Variants in GALNT13 observed in about 807,000 individuals in gnomAD.
The protein encoded by GALNT13 is UDP-GalNAc:polypeptide N-acetylgalactosaminyltransferase 13.
In GALNT13, 28 loss-of-function variants were observed where a neutral mutation model predicts 64.2. The ratio of observed to expected loss-of-function variants is 0.44; its 90% CI spans 0.32 to 0.60. GALNT13 has a LOEUF of 0.60. Among genes scored for constraint, GALNT13 ranks in the 20% least tolerant of loss-of-function variants. GALNT13 has a pLI of 0.05. For synonymous variants in GALNT13, 214 were observed against 224.6 expected (o/e 0.95, Z 0.42); for missense variants, 577 against 669.8 (o/e 0.86, Z 1.53).
At chr2:154,104,306 GC>G (rs1178202687) in intron 3 of GALNT13, among the ~76,000 whole-genome samples, 6 of 152,276 alleles carry the variant, frequency 3.9e-5, no homozygotes, top group African/African-American at 1.4e-4. Context: ...TAGATTTGCA[GC>G]TGGTCTGCCC....
chr2:153,295,099 A>C, the GALNT13 span, among the ~76,000 whole-genome samples: 17 of 152,156 alleles, frequency 1.1e-4, no homozygotes, highest in Admixed American at 1.1e-3. Context: ...GTGGTGTTCC[A>C]GGACTCCCTC....
At chr2:153,322,399 T>C in the GALNT13 span, among the ~76,000 whole-genome samples, 1 of 152,164 alleles carries the variant, frequency 6.6e-6, no homozygotes, top group Admixed American at 6.6e-5. Context: ...ATGTTTTCTT[T>C]ATCCATTCCA....
intron 2 of GALNT13, among the ~76,000 whole-genome samples, chr2:153,943,022 T>A (rs1421722390): frequency 6.6e-6 from 1 of 152,200 alleles, no homozygotes; most frequent in Non-Finnish European, 1.5e-5. Flanking sequence ...TTCACATCAA[T>A]AAGCTTACAT....
the GALNT13 span, among the ~76,000 whole-genome samples, chr2:153,098,834 CA>C: frequency 6.6e-6 from 1 of 152,208 alleles, no homozygotes. Flanking sequence ...TTAGCTTGAC[CA>C]GATAAAATAA....
chr2:154,399,673 T>C (rs544738510), intron 10 of GALNT13, among the ~76,000 whole-genome samples: 28 of 152,212 alleles, frequency 1.8e-4, no homozygotes, highest in Non-Finnish European at 3.8e-4. Context: ...TTAATACCAC[T>C]ACAATGGGGA....
chr2:154,072,973 A>G (rs1005639497), intron 3 of GALNT13, among the ~76,000 whole-genome samples: 1 of 152,032 alleles, frequency 6.6e-6, no homozygotes, highest in Non-Finnish European at 1.5e-5. Context: ...ATTGTGATGT[A>G]TCCCTTAAAC....
At chr2:153,478,037 G>C in the GALNT13 span, 1 of 590,370 alleles carries the variant, frequency 1.7e-6, no homozygotes. Context: ...CAGAGTCTGG[G>C]CGCTCTCCTC....
intron 4 of GALNT13, among the ~76,000 whole-genome samples, chr2:154,166,088 G>T: frequency 6.6e-6 from 1 of 152,106 alleles, no homozygotes. Context: ...AACTTGTCTA[G>T]AGGAACTCAA....
the GALNT13 span, among the ~76,000 whole-genome samples, chr2:153,721,450 C>G: frequency 2.0e-5 from 3 of 148,760 alleles, no homozygotes; most frequent in East Asian, 5.9e-4. Flanking sequence ...GGATCAAATT[C>G]ACACATAACA....
chr2:153,239,159 A>G, the GALNT13 span, among the ~76,000 whole-genome samples: 2 of 152,248 alleles, frequency 1.3e-5, no homozygotes, highest in East Asian at 3.9e-4. Context: ...GCATATAGAA[A>G]TGCTACAGAT....
At chr2:153,917,359 AAC>A (rs1302254306) in intron 2 of GALNT13, among the ~76,000 whole-genome samples, 1 of 152,146 alleles carries the variant, frequency 6.6e-6, no homozygotes, top group African/African-American at 2.4e-5. Flanking sequence ...TAGAATCAGG[AAC>A]ACACAGAATA....
At chr2:153,436,099 T>A in the GALNT13 span, among the ~76,000 whole-genome samples, 1 of 152,200 alleles carries the variant, frequency 6.6e-6, no homozygotes, top group Non-Finnish European at 1.5e-5. Flanking sequence ...GTGGTTTTTG[T>A]GTTTGGTTCT....
the GALNT13 span, among the ~76,000 whole-genome samples, chr2:153,641,114 C>T: frequency 9.9e-5 from 15 of 152,144 alleles, no homozygotes; most frequent in South Asian, 1.7e-3. Context: ...AGTAACTATT[C>T]CTTATGCACC....
intron 4 of GALNT13, among the ~76,000 whole-genome samples, chr2:154,171,369 C>T (rs904159599): frequency 4.6e-5 from 7 of 152,050 alleles, no homozygotes; most frequent in Admixed American, 3.3e-4. Context: ...ATGGCTTGAA[C>T]GACAATATGT....
the GALNT13 span, among the ~76,000 whole-genome samples, chr2:153,665,724 C>T: frequency 6.6e-6 from 1 of 152,048 alleles, no homozygotes; most frequent in Non-Finnish European, 1.5e-5. Context: ...CCAAGCAACT[C>T]CTAGGGAAGG....
chr2:153,609,321 C>T, the GALNT13 span, among the ~76,000 whole-genome samples: 1 of 152,112 alleles, frequency 6.6e-6, no homozygotes, highest in African/African-American at 2.4e-5. Context: ...ACGTTTGTAT[C>T]TAAGTGTGTT....
At chr2:153,995,667 C>T (rs7565936) in intron 3 of GALNT13, among the ~76,000 whole-genome samples, 1 of 152,008 alleles carries the variant, frequency 6.6e-6, no homozygotes, top group South Asian at 2.1e-4. Context: ...ATCATTTCTC[C>T]GTGGTGGTAA....
At chr2:153,240,366 G>A in the GALNT13 span, among the ~76,000 whole-genome samples, 1 of 152,108 alleles carries the variant, frequency 6.6e-6, no homozygotes, top group Non-Finnish European at 1.5e-5. Context: ...GTCTTAATAA[G>A]TTGGCTTTGT....
At chr2:153,203,161 G>A in the GALNT13 span, among the ~76,000 whole-genome samples, 1 of 152,176 alleles carries the variant, frequency 6.6e-6, no homozygotes, top group African/African-American at 2.4e-5. Context: ...TAGAATTCAT[G>A]CTTCAGATTA....
Sources: allele counts gnomAD v4.1 joint callset (sites outside exome capture counted in the v4.1 genomes callset), GRCh38; gene constraint gnomAD v4.1.1; transcripts MANE v1.5; gene names NCBI Gene and HGNC (gene_info 2026-07-23, HGNC 2026-07-21).